The following SPAG16 variants were observed in gnomAD, a reference collection of about 807,000 sequenced individuals.
SPAG16 encodes the protein sperm-associated antigen 16 protein.
In SPAG16, 86 loss-of-function variants were observed where a neutral mutation model predicts 80.4. The observed-to-expected ratio is 1.07, with a 90% CI of 0.90 to 1.28. The LOEUF is 1.28. SPAG16 is among the 50% of genes most tolerant of loss of function. The pLI is 0.00. For synonymous variants in SPAG16, 294 were observed against 265.9 expected, an observed-to-expected ratio of 1.11 and a Z score of -1.03; for missense variants, 870 against 765.3, an observed-to-expected ratio of 1.14 and a Z score of -1.61.
At chr2:213,921,665 A>C (rs13410710) in intron 11 of SPAG16, among the ~76,000 whole-genome samples, 2 of 152,096 alleles carry the variant, frequency 1.3e-5, no homozygotes, top group East Asian at 3.9e-4. Context: ...GTAGTGGCTG[A>C]TAATGATCTT....
In SPAG16 at chr2:214,148,320, A is replaced by G. The variant is rs1196763542; in HGVS notation, c.1594-820A>G. On this transcript the variant is annotated intron_variant, in intron 14 of 15. Coordinates refer to ENST00000331683, the MANE Select transcript of SPAG16 (RefSeq NM_024532.5). ...AGACCAGCAGGAGGCGTGTAGACAGACCCTGGGCTCCAAACTGAACTGATG... is the reference window on the plus strand; with the variant it reads ...AGACCAGCAGGAGGCGTGTAGACAGGCCCTGGGCTCCAAACTGAACTGATG... 3.3e-5 allele frequency among the ~76,000 whole-genome samples: 5 copies of G among 152,116 alleles called. No individual in the cohort carries two copies. The East Asian group carries it at 9.7e-4, about 29-fold the overall frequency.
chr2:213,387,682 C>T (rs2067519090), intron 9 of SPAG16, among the ~76,000 whole-genome samples: 1 of 151,190 alleles, frequency 6.6e-6, no homozygotes, highest in Non-Finnish European at 1.5e-5. Flanking sequence ...TCTCGATCTC[C>T]TGACCTCGTG....
chr2:213,765,368 A>T (rs1018653587), intron 10 of SPAG16, among the ~76,000 whole-genome samples: 1 of 152,194 alleles, frequency 6.6e-6, no homozygotes, highest in Non-Finnish European at 1.5e-5. Context: ...ACTCTGTCTC[A>T]AAACAAATCA....
At chr2:213,919,106 T>A (rs915230494) in intron 11 of SPAG16, among the ~76,000 whole-genome samples, 1 of 152,206 alleles carries the variant, frequency 6.6e-6, no homozygotes, top group Admixed American at 6.5e-5. Flanking sequence ...TTTGGATTAA[T>A]TAATCTTTTG....
At chr2:213,826,724 A>C (rs1009624256) in intron 10 of SPAG16, among the ~76,000 whole-genome samples, 5 of 151,986 alleles carry the variant, frequency 3.3e-5, no homozygotes, top group Non-Finnish European at 7.4e-5. Flanking sequence ...CAGCTGTTGC[A>C]TGAAAAGTTC....
chr2:214,121,390 A>G (rs1264992532), intron 14 of SPAG16, among the ~76,000 whole-genome samples: 4 of 151,838 alleles, frequency 2.6e-5, no homozygotes, highest in Admixed American at 1.3e-4. Context: ...TTAGAAAGCT[A>G]CTGTGGCATC....
At chr2:213,979,078 G>A (rs2045562157) in intron 12 of SPAG16, among the ~76,000 whole-genome samples, 1 of 151,932 alleles carries the variant, frequency 6.6e-6, no homozygotes, top group South Asian at 2.1e-4. Flanking sequence ...CTTCTGATAT[G>A]TTCTATTGGT....
chr2:213,420,651 TTCTGTG>T (rs2069528215), intron 9 of SPAG16, among the ~76,000 whole-genome samples: 1 of 152,228 alleles, frequency 6.6e-6, no homozygotes. Context: ...CCATGGTTTA[TTCTGTG>T]TTATGTAAAA....
intron 10 of SPAG16, among the ~76,000 whole-genome samples, chr2:213,634,937 C>CATATATATATATATATATATATATAT (rs139895364): frequency 1.3e-4 from 19 of 150,826 alleles, no homozygotes; most frequent in African/African-American, 4.6e-4. Context: ...TTATTTCACT[C>CATATATATATATATATATATATATAT]ATATATATAT....
intron 10 of SPAG16, among the ~76,000 whole-genome samples, chr2:213,664,303 G>T (rs1390767926): frequency 1.1e-4 from 17 of 152,054 alleles, no homozygotes; most frequent in Admixed American, 1.1e-3. Context: ...GTCATGTAAG[G>T]TAACATTATT....
intron 10 of SPAG16, among the ~76,000 whole-genome samples, chr2:213,623,310 A>G (rs187597934): frequency 6.6e-6 from 1 of 152,210 alleles, no homozygotes; most frequent in East Asian, 1.9e-4. Flanking sequence ...CTATGTCATC[A>G]CTAAATCGAA....
chr2:213,910,478 TGTAAGA>T, intron 11 of SPAG16, among the ~76,000 whole-genome samples: 3 of 133,598 alleles, frequency 2.2e-5, no homozygotes, highest in Admixed American at 8.0e-5. Flanking sequence ...AATTTGCTTT[TGTAAGA>T]ATTCTTTTTT....
chr2:214,137,218 A>G (rs2055102251), intron 14 of SPAG16, among the ~76,000 whole-genome samples: 1 of 152,144 alleles, frequency 6.6e-6, no homozygotes, highest in Admixed American at 6.6e-5. Flanking sequence ...TTTATTTTCA[A>G]TATATGCTTT....
intron 15 of SPAG16, chr2:214,249,989 C>T (rs1690132503): frequency 6.6e-6 from 1 of 152,154 alleles, no homozygotes; most frequent in Non-Finnish European, 1.5e-5. Flanking sequence ...GATGACTCAA[C>T]AATTCAGTTC....
chr2:213,768,918 A>G (rs1402978686), intron 10 of SPAG16, among the ~76,000 whole-genome samples: 1 of 152,216 alleles, frequency 6.6e-6, no homozygotes, highest in African/African-American at 2.4e-5. Context: ...AGAAGGCTAT[A>G]ACATAGAGAA....
chr2:214,323,720 TAAAC>T (rs1427904141), intron 15 of SPAG16, among the ~76,000 whole-genome samples: 5 of 152,090 alleles, frequency 3.3e-5, no homozygotes, highest in Admixed American at 6.5e-5. Flanking sequence ...ACTAAACTAA[TAAAC>T]AAAATTCTCC....
intron 12 of SPAG16, among the ~76,000 whole-genome samples, chr2:213,989,668 T>C (rs2046184732): frequency 6.6e-6 from 1 of 152,170 alleles, no homozygotes; most frequent in African/African-American, 2.4e-5. Flanking sequence ...ATCAAAATTC[T>C]ACTTCCTTAA....
At chr2:213,723,293 A>G in intron 10 of SPAG16, among the ~76,000 whole-genome samples, 1 of 152,128 alleles carries the variant, frequency 6.6e-6, no homozygotes, top group East Asian at 1.9e-4. Flanking sequence ...TTAGATACTA[A>G]TTTAGATAAT....
chr2:213,556,702 T>C (rs2059437828), intron 10 of SPAG16, among the ~76,000 whole-genome samples: 2 of 151,996 alleles, frequency 1.3e-5, no homozygotes, highest in Admixed American at 1.3e-4. Context: ...AGAAAAATAA[T>C]AAGGAAACAC....
Sources: gnomAD v4.1 joint callset for allele counts (sites outside exome capture counted in the v4.1 genomes callset) on GRCh38, gnomAD v4.1.1 for gene constraint, MANE v1.5 for transcripts, NCBI Gene and HGNC (gene_info 2026-07-23, HGNC 2026-07-21) for gene names.